MEF2C: variants seen among roughly 807,000 people sequenced by gnomAD.
MEF2C encodes the protein myocyte enhancer factor 2C.
A neutral mutation model predicts 50.5 loss-of-function variants in MEF2C; 6 were observed. That is an observed-to-expected ratio of 0.12 (90% CI 0.07 to 0.23). The LOEUF is 0.23. Among genes scored for constraint, MEF2C ranks in the 10% least tolerant of loss-of-function variants. The probability of loss-of-function intolerance (pLI) is 1.00; values close to 1 mark genes in which losing one functional copy is unlikely to be tolerated. For synonymous variants in MEF2C, 183 were observed against 228.0 expected (o/e 0.80, Z 1.78); for missense variants, 276 against 605.0 (o/e 0.46, Z 5.70).
At chr5:88,824,034 G>A in intron 1 of MEF2C, 104 bp from the exon 2 acceptor site, 1 of 1,082,406 alleles carries the variant, frequency 9.2e-7, no homozygotes, top group Non-Finnish European at 1.2e-6. Context: ...TGGAGCTAAA[G>A]CAATAAAATG....
intron 2 of MEF2C, among the ~76,000 whole-genome samples, chr5:88,814,533 T>C (rs1804449205): frequency 6.6e-6 from 1 of 151,974 alleles, no homozygotes; most frequent in African/African-American, 2.4e-5. Context: ...TGAGCCTCCG[T>C]TTCGCTGAAA....
chr5:88,830,621 A>C (rs918092882), intron 1 of MEF2C, among the ~76,000 whole-genome samples: 1 of 152,102 alleles, frequency 6.6e-6, no homozygotes, highest in Non-Finnish European at 1.5e-5. Flanking sequence ...AATGGTCTAA[A>C]TATGTGAAGA....
intron 1 of MEF2C, among the ~76,000 whole-genome samples, chr5:88,879,327 C>T (rs929325259): frequency 2.6e-5 from 4 of 151,084 alleles, no homozygotes; most frequent in Non-Finnish European, 4.4e-5. Flanking sequence ...ACTCTCAAAA[C>T]ATCATATTCT....
intron 1 of MEF2C, among the ~76,000 whole-genome samples, chr5:88,893,789 T>A (rs1030637037): frequency 3.3e-5 from 5 of 152,138 alleles, no homozygotes; most frequent in African/African-American, 1.2e-4. Context: ...AGTTTCTAAA[T>A]TATTTTGTAA....
chr5:88,767,618 T>G (rs1352474853), intron 3 of MEF2C, among the ~76,000 whole-genome samples: 1 of 152,198 alleles, frequency 6.6e-6, no homozygotes, highest in African/African-American at 2.4e-5. Context: ...TCTAGCCAGA[T>G]ATCAACTTCT....
chr5:88,812,909 C>T (rs1036556972), intron 2 of MEF2C, among the ~76,000 whole-genome samples: 6 of 152,058 alleles, frequency 3.9e-5, no homozygotes, highest in Non-Finnish European at 5.9e-5. Context: ...GTTTATTGAG[C>T]AGTATGCAGG....
intron 4 of MEF2C, 159 bp downstream of exon 4, chr5:88,761,026 C>T (rs780483988): frequency 6.2e-7 from 1 of 1,611,354 alleles, no homozygotes; most frequent in East Asian, 2.2e-5. Flanking sequence ...TCAAATTCTT[C>T]ATTAATTTTT....
intron 6 of MEF2C, chr5:88,740,937 G>C (rs942294202): frequency 1.4e-5 from 14 of 985,216 alleles, no homozygotes; most frequent in Middle Eastern, 5.2e-4. Context: ...CAAAAATATT[G>C]AGACAGTATA....
At chr5:88,893,771 CT>C (rs1348553731) in intron 1 of MEF2C, among the ~76,000 whole-genome samples, 1 of 151,914 alleles carries the variant, frequency 6.6e-6, no homozygotes, top group African/African-American at 2.4e-5. Flanking sequence ...AGAATTTTCA[CT>C]GGGAGGAGTT....
At chr5:88,738,149 A>G (rs1327903896) in intron 6 of MEF2C, 1 of 985,282 alleles carries the variant, frequency 1.0e-6, no homozygotes, top group Admixed American at 6.2e-5. Context: ...GAGTTCTCTC[A>G]ACCCTACAGA....
At chr5:88,808,155 G>T (rs1204763428) in intron 2 of MEF2C, among the ~76,000 whole-genome samples, 1 of 152,102 alleles carries the variant, frequency 6.6e-6, no homozygotes, top group Non-Finnish European at 1.5e-5. Context: ...ACACAGAGCT[G>T]CACTAAATGT....
chr5:88,772,762 A>C, intron 3 of MEF2C: 2 of 985,420 alleles, frequency 2.0e-6, no homozygotes, highest in Non-Finnish European at 2.4e-6. Context: ...GAGTGGCTAT[A>C]AGTCATTCAC....
intron 1 of MEF2C, among the ~76,000 whole-genome samples, chr5:88,826,473 T>A (rs914203264): frequency 6.6e-6 from 1 of 151,974 alleles, no homozygotes; most frequent in Non-Finnish European, 1.5e-5. Flanking sequence ...AAGTAAAGTC[T>A]ATCATGAAAC....
At chr5:88,865,711 G>C (rs1362058809) in intron 1 of MEF2C, among the ~76,000 whole-genome samples, 1 of 152,142 alleles carries the variant, frequency 6.6e-6, no homozygotes, top group Non-Finnish European at 1.5e-5. Flanking sequence ...ACTGGCCTCA[G>C]TGGTTTTGCT....
intron 1 of MEF2C, among the ~76,000 whole-genome samples, chr5:88,898,809 T>A (rs746260193): frequency 6.6e-6 from 1 of 152,172 alleles, no homozygotes; most frequent in Non-Finnish European, 1.5e-5. Context: ...CAAGTTTTCC[T>A]TAAAAATATT....
Position 88,717,879 on chromosome 5 carries a change from G to T in MEF2C, c.*4725C>A, listed in dbSNP as rs1755141912. On this transcript the variant is annotated 3_prime_UTR_variant, in exon 11 of 11. Coordinates refer to ENST00000504921, the MANE Select transcript of MEF2C (RefSeq NM_002397.5). ...AACTCTTTTGGAAACACTTTCTACAGATTTTAGTTAAAAAATAACTTATGG... is the reference window on the plus strand; with the variant it reads ...AACTCTTTTGGAAACACTTTCTACATATTTTAGTTAAAAAATAACTTATGG... 6.6e-6 allele frequency: 1 copy of T among 152,148 alleles called. No individual in the cohort carries two copies. 9.4% of individuals were successfully genotyped at this position (152,148 alleles called of 1,614,324 possible). A position where few individuals can be genotyped will look rare whatever the true frequency, so the allele number is the denominator to read the frequency against.
intron 2 of MEF2C, among the ~76,000 whole-genome samples, chr5:88,812,916 C>T (rs1219830314): frequency 6.6e-6 from 1 of 152,064 alleles, no homozygotes; most frequent in Non-Finnish European, 1.5e-5. Flanking sequence ...GAGCAGTATG[C>T]AGGCACTGTC....
At chr5:88,792,229 C>T (rs553733950) in intron 3 of MEF2C, among the ~76,000 whole-genome samples, 2 of 151,964 alleles carry the variant, frequency 1.3e-5, no homozygotes, top group South Asian at 2.1e-4. Context: ...CATTCACAAG[C>T]TTCAAGTTAA....
chr5:88,900,369 T>C (rs1011925059), intron 1 of MEF2C, among the ~76,000 whole-genome samples: 2 of 151,830 alleles, frequency 1.3e-5, no homozygotes, highest in African/African-American at 2.4e-5. Flanking sequence ...CATATACTTA[T>C]GTGTTAGTAT....
Sources: gnomAD v4.1 joint callset for allele counts (sites outside exome capture counted in the v4.1 genomes callset) on GRCh38, gnomAD v4.1.1 for gene constraint, MANE v1.5 for transcripts, NCBI Gene and HGNC (gene_info 2026-07-23, HGNC 2026-07-21) for gene names.